The following ABCA13 variants were observed in gnomAD, a reference collection of about 807,000 sequenced individuals.
ABCA13 encodes ATP binding cassette subfamily A member 13, also known as ATP-binding cassette sub-family A member 13.
ABCA13 carries 476 observed loss-of-function variants against 478.7 expected under a neutral mutation model. That is an observed-to-expected ratio of 0.99 (90% CI 0.92 to 1.07). ABCA13 has a LOEUF of 1.07. Among genes scored for constraint, ABCA13 ranks in the 50% least tolerant of loss-of-function variants. ABCA13 has a pLI of 0.00. For synonymous variants in ABCA13, 2,252 were observed against 2,158.9 expected, an observed-to-expected ratio of 1.04 and a Z score of -1.20; for missense variants, 6,060 against 5,910.6, an observed-to-expected ratio of 1.03 and a Z score of -0.83.
chr7:48,334,743 C>T (rs1429285925), intron 27 of ABCA13, among the ~76,000 whole-genome samples: 1 of 152,166 alleles, frequency 6.6e-6, no homozygotes, highest in Non-Finnish European at 1.5e-5. Context: ...CTCCTAGTGA[C>T]CCTAGGGAGA....
At chr7:48,373,866 T>C (rs1813040935) in intron 33 of ABCA13, among the ~76,000 whole-genome samples, 1 of 152,248 alleles carries the variant, frequency 6.6e-6, no homozygotes, top group Admixed American at 6.5e-5. Flanking sequence ...AAGATATTTT[T>C]TTCAATGGGG....
At chr7:48,445,318 C>T (rs1824154160) in intron 42 of ABCA13, among the ~76,000 whole-genome samples, 1 of 152,108 alleles carries the variant, frequency 6.6e-6, no homozygotes, top group Non-Finnish European at 1.5e-5. Flanking sequence ...CTAGCCAAGT[C>T]TTAAGAATAA....
At position 48,362,409 on chromosome 7, in the gene ABCA13, C is replaced by CTT. The variant is rs35795708; in HGVS notation, c.10689-5366_10689-5365dup. On this transcript the variant is annotated intron_variant, in intron 31 of 61. Coordinates refer to ENST00000435803, the MANE Select transcript of ABCA13 (RefSeq NM_152701.5). ...CCTTCTCTTCACTCTTCCTCTTCTT[C>CTT]TTTTTTTTTTTTTTTTTTTTGCCTT... Among the ~76,000 whole-genome samples the CTT allele has an allele frequency of 7.6e-3, 652 of 85,838 alleles. 3 individuals are homozygous for CTT. The highest frequency in any genetic ancestry group is 0.024 in the African/African-American group (524 of 21,450). 56.3% of individuals were successfully genotyped at this position (85,838 alleles called of 152,430 possible). A position where few individuals can be genotyped will look rare whatever the true frequency, so the allele number is the denominator to read the frequency against.
intron 47 of ABCA13, among the ~76,000 whole-genome samples, chr7:48,485,855 C>T (rs938902039): frequency 6.6e-6 from 1 of 152,122 alleles, no homozygotes; most frequent in Non-Finnish European, 1.5e-5. Context: ...TGGAATGTTC[C>T]CCAGCTCATC....
At chr7:48,401,315 C>T (rs1297915444) in intron 38 of ABCA13, among the ~76,000 whole-genome samples, 1 of 152,176 alleles carries the variant, frequency 6.6e-6, no homozygotes. Context: ...CTGGGATTTC[C>T]TCTGTAGGAA....
intron 1 of ABCA13, among the ~76,000 whole-genome samples, chr7:48,190,163 C>T (rs36187138): frequency 0.38 from 58,438 of 151,976 alleles, 12,898 homozygotes; most frequent in Non-Finnish European, 0.5. Context: ...TTCACTACAT[C>T]TATCCAAATT....
chr7:48,245,884 T>C lies in ABCA13; in HGVS notation c.1513T>C (p.Cys505Arg). The C allele has an allele frequency of 1.2e-6, 2 of 1,613,372 alleles. No individual in the cohort carries two copies. The highest frequency in any genetic ancestry group is 1.7e-6 in the Non-Finnish European group (2 of 1,179,634). Residue 505 changes from cysteine (C) to arginine (R), a missense_variant, in exon 13 of 62, where the codon TGC becomes CGC. By Grantham distance (180) the Cys-to-Arg change is radical. This residue lies in a region of ABCA13 where 4,423 missense variants were observed against 4,309.1 expected (regional missense o/e 1.03). Coordinates refer to ENST00000435803, the MANE Select transcript of ABCA13 (RefSeq NM_152701.5). ...TTAGATGTTGGCGAAGAATGCTGTC[T>C]GCCCGAATGGTCGTTTCTCTGAGAA... Reference protein sequence around the residue: ...LKQMLAKNAVCPNGRFSEKEV... With the variant: ...LKQMLAKNAVRPNGRFSEKEV...
intron 38 of ABCA13, among the ~76,000 whole-genome samples, chr7:48,403,228 A>G (rs1817837927): frequency 6.6e-6 from 1 of 152,230 alleles, no homozygotes; most frequent in Admixed American, 6.5e-5. Context: ...CGGGTGATCC[A>G]GATTTAGTGG....
At chr7:48,557,707 A>G (rs1377015362) in intron 55 of ABCA13, among the ~76,000 whole-genome samples, 1 of 152,020 alleles carries the variant, frequency 6.6e-6, no homozygotes, top group African/African-American at 2.4e-5. Flanking sequence ...TTGGTGTTCT[A>G]TTTGTTTGGT....
At chr7:48,251,705 TTTTC>T (rs147943218) in intron 15 of ABCA13, among the ~76,000 whole-genome samples, 4,517 of 152,090 alleles carry the variant, frequency 0.03, 219 homozygotes, top group African/African-American at 0.1. Context: ...ATCTTTATTA[TTTTC>T]TTTCTTCTAG....
rs1326120326 is a variant in ABCA13, at chr7:48,229,958, A to T, written c.763+3A>T. The stretch of plus-strand genomic sequence containing the variant: ...GCAACATGGAGTAGCAGTCACCGGT[A>T]TGGGTGCCTTGTAGCTATTGCTATA... On this transcript the variant is annotated splice_donor_region_variant and intron_variant, in intron 7 of 61. Coordinates refer to ENST00000435803, the MANE Select transcript of ABCA13 (RefSeq NM_152701.5). The T allele has an allele frequency of 6.2e-7, 1 of 1,613,372 alleles. No homozygotes were observed. The highest frequency in any genetic ancestry group is 8.5e-7 in the Non-Finnish European group (1 of 1,179,508).
chr7:48,391,807 C>A, intron 37 of ABCA13, 114 bp from the exon 38 acceptor site: 1 of 970,556 alleles, frequency 1.0e-6, no homozygotes, highest in Non-Finnish European at 1.6e-6. Context: ...ACCAGGTCAG[C>A]AGAAGGTGAG....
rs529249810 is a variant in ABCA13, at chr7:48,242,198, C to T, written c.1262+1132C>T. On this transcript the variant is annotated intron_variant, in intron 10 of 61. Coordinates refer to ENST00000435803, the MANE Select transcript of ABCA13 (RefSeq NM_152701.5). ...TACAAATCTCGAATGCCCCCTGGCACTTTAGCCTAGGATTTTGCCTGCTCT... is the reference window on the plus strand; with the variant it reads ...TACAAATCTCGAATGCCCCCTGGCATTTTAGCCTAGGATTTTGCCTGCTCT... Among the ~76,000 whole-genome samples the T allele has an allele frequency of 1.8e-4, 28 of 152,190 alleles. 1 individual carries two copies. In the South Asian group the frequency reaches 5.4e-3, roughly 29 times the overall value.
intron 46 of ABCA13, among the ~76,000 whole-genome samples, chr7:48,481,913 A>G (rs1381373605): frequency 6.6e-6 from 1 of 152,152 alleles, no homozygotes; most frequent in East Asian, 1.9e-4. Context: ...GCCAGTTGGG[A>G]ATGTGTACTT....
At chr7:48,532,980 T>A (rs563684991) in intron 55 of ABCA13, among the ~76,000 whole-genome samples, 2 of 151,688 alleles carry the variant, frequency 1.3e-5, no homozygotes, top group Non-Finnish European at 2.9e-5. Flanking sequence ...ATCTTTTGCA[T>A]TTTTTTTGTT....
chr7:48,541,906 T>C lies in ABCA13; in HGVS notation c.14354+13561T>C, dbSNP rs1833968951. Among the ~76,000 whole-genome samples, 4 of 108,108 alleles carry C rather than the reference T, an allele frequency of 3.7e-5. 2 individuals carry two copies. The highest frequency in any genetic ancestry group is 7.3e-5 in the Non-Finnish European group (4 of 55,166). The allele number at this position is 108,108 out of a possible 152,430, so 70.9% of individuals were successfully genotyped here. On this transcript the variant is annotated intron_variant, in intron 55 of 61. Coordinates refer to ENST00000435803, the MANE Select transcript of ABCA13 (RefSeq NM_152701.5). ...CTCAGAAACTGGGTTAAAAAAGGTA[T>C]TTTTTTTTTTACATGACACAACACA... is the stretch of plus-strand genomic sequence containing the variant.
At chr7:48,490,038 T>A (rs1271184267) in intron 48 of ABCA13, among the ~76,000 whole-genome samples, 10 of 152,342 alleles carry the variant, frequency 6.6e-5, no homozygotes, top group Non-Finnish European at 1.2e-4. Flanking sequence ...CACATAGACA[T>A]CAACACTAAA....
chr7:48,421,901 T>C (rs1820788946), intron 41 of ABCA13, among the ~76,000 whole-genome samples: 1 of 151,978 alleles, frequency 6.6e-6, no homozygotes, highest in Admixed American at 6.6e-5. Flanking sequence ...CTCATTCTTA[T>C]GCTACCTTTT....
At chr7:48,172,672 T>C (rs1449671955) in intron 1 of ABCA13, among the ~76,000 whole-genome samples, 2 of 149,890 alleles carry the variant, frequency 1.3e-5, no homozygotes, top group African/African-American at 4.9e-5. Context: ...GTGGCGGACG[T>C]CTGTAGTCCC....
Sources: allele counts gnomAD v4.1 joint callset (sites outside exome capture counted in the v4.1 genomes callset), GRCh38; gene constraint gnomAD v4.1.1; regional missense constraint gnomAD v4.1.1; transcripts MANE v1.5; gene names NCBI Gene and HGNC (gene_info 2026-07-23, HGNC 2026-07-21).